Variants in EEFSEC observed in about 807,000 individuals in gnomAD.
EEFSEC encodes selenocysteine-specific elongation factor.
Under a neutral mutation model 42.1 loss-of-function variants are expected in EEFSEC, and 43 were observed. The ratio of observed to expected loss-of-function variants is 1.02; its 90% CI spans 0.80 to 1.32. EEFSEC has a LOEUF of 1.32. EEFSEC is among the 40% of genes most tolerant of loss of function. The pLI, the probability that EEFSEC is intolerant of heterozygous loss-of-function variation, is 0.00. For synonymous variants in EEFSEC, 354 were observed against 339.1 expected, an observed-to-expected ratio of 1.04 and a Z score of -0.48; for missense variants, 745 against 803.6, an observed-to-expected ratio of 0.93 and a Z score of 0.88.
At chr3:128,163,181 G>T (rs1405930108) in intron 1 of EEFSEC, among the ~76,000 whole-genome samples, 1 of 152,040 alleles carries the variant, frequency 6.6e-6, no homozygotes, top group East Asian at 1.9e-4. Flanking sequence ...GGTATCTATA[G>T]CTCTGGTACT....
At chr3:128,318,880 C>T (rs1362705464) in intron 4 of EEFSEC, among the ~76,000 whole-genome samples, 2 of 152,208 alleles carry the variant, frequency 1.3e-5, no homozygotes, top group Non-Finnish European at 2.9e-5. Flanking sequence ...TACAGCAGCT[C>T]CTTATCCTCA....
At chr3:128,390,946 C>A (rs2067905220) in intron 6 of EEFSEC, among the ~76,000 whole-genome samples, 1 of 152,252 alleles carries the variant, frequency 6.6e-6, no homozygotes, top group South Asian at 2.1e-4. Context: ...CAGATGTCAT[C>A]CCACCCTGGG....
intron 6 of EEFSEC, among the ~76,000 whole-genome samples, chr3:128,403,707 T>C (rs2068075305): frequency 4.7e-5 from 7 of 148,188 alleles, no homozygotes; most frequent in Admixed American, 4.0e-4. Flanking sequence ...CCCTAGGAAT[T>C]GTCACTCAAA....
At chr3:128,389,224 A>G (rs1200502927) in intron 6 of EEFSEC, among the ~76,000 whole-genome samples, 1 of 152,162 alleles carries the variant, frequency 6.6e-6, no homozygotes, top group African/African-American at 2.4e-5. Context: ...GGGTGCTGAC[A>G]CTCACCCGAG....
At chr3:128,272,843 C>T (rs190344637) in intron 4 of EEFSEC, among the ~76,000 whole-genome samples, 2 of 152,226 alleles carry the variant, frequency 1.3e-5, no homozygotes, top group East Asian at 1.9e-4. Flanking sequence ...TTGGGTTACT[C>T]CTAGGAAATG....
intron 4 of EEFSEC, among the ~76,000 whole-genome samples, chr3:128,303,333 C>T (rs1236164141): frequency 2.6e-5 from 4 of 152,148 alleles, no homozygotes; most frequent in Non-Finnish European, 5.9e-5. Context: ...AAGTTACATT[C>T]CTACAACAGT....
intron 4 of EEFSEC, among the ~76,000 whole-genome samples, chr3:128,287,310 G>C (rs903697466): frequency 1.3e-5 from 2 of 152,244 alleles, no homozygotes. Context: ...AGGCGGGCTT[G>C]TGCAGCCATG....
chr3:128,328,551 T>C (rs546820378), intron 4 of EEFSEC, among the ~76,000 whole-genome samples: 1 of 152,234 alleles, frequency 6.6e-6, no homozygotes, highest in African/African-American at 2.4e-5. Flanking sequence ...TGTAGTTTCT[T>C]GTCTGTAAGG....
At chr3:128,409,271 G>A (rs993099895), downstream of EEFSEC, among the ~76,000 whole-genome samples, 8 of 152,174 alleles carry the variant, frequency 5.3e-5, no homozygotes, top group African/African-American at 1.7e-4. Flanking sequence ...CCAGTAATCG[G>A]TGCATTATGC....
Position 128,359,208 on chromosome 3 carries a change from G to A in EEFSEC, c.1600+835G>A, listed in dbSNP as rs556894645. Among the ~76,000 whole-genome samples, 13 of 152,242 alleles carry A rather than the reference G, an allele frequency of 8.5e-5. No individual in the cohort carries two copies. The East Asian group carries it at 2.5e-3, about 29-fold the overall frequency. ...CAGGGAGAGCATGCCACAGCGAGGG[G>A]GAAGTGAATGTTAAGGTCCTGAGGT... On this transcript the variant is annotated intron_variant, in intron 6 of 6. Transcript: ENST00000254730.
intron 4 of EEFSEC, among the ~76,000 whole-genome samples, chr3:128,272,237 ACAT>A (rs774568611): frequency 6.6e-6 from 1 of 152,200 alleles, no homozygotes; most frequent in Non-Finnish European, 1.5e-5. Context: ...TGACTCCTGA[ACAT>A]CACGCTATCG....
At chr3:128,333,952 T>C (rs1044849020) in intron 4 of EEFSEC, among the ~76,000 whole-genome samples, 1 of 152,148 alleles carries the variant, frequency 6.6e-6, no homozygotes, top group Non-Finnish European at 1.5e-5. Flanking sequence ...TGTTCTCTCA[T>C]CCACTTGATC....
Position 128,363,122 on chromosome 3 carries a change from C to T in EEFSEC, c.1600+4749C>T, listed in dbSNP as rs559394270. Reference sequence around the variant, plus strand: ...GCTATGATGTATAGCAGTTGGGCTGCCCGCTGTACAGCTGAGGAGACTGGG... The same window carrying T: ...GCTATGATGTATAGCAGTTGGGCTGTCCGCTGTACAGCTGAGGAGACTGGG... On this transcript the variant is annotated intron_variant, in intron 6 of 6. Coordinates refer to ENST00000254730, the MANE Select transcript of EEFSEC (RefSeq NM_021937.5). Among the ~76,000 whole-genome samples, 7 of 152,312 alleles carry T rather than the reference C, an allele frequency of 4.6e-5. No individual in the cohort carries two copies. The South Asian group carries it at 1.5e-3, about 32-fold the overall frequency.
intron 1 of EEFSEC, among the ~76,000 whole-genome samples, chr3:128,154,573 C>T (rs1402577629): frequency 2.0e-5 from 3 of 152,078 alleles, no homozygotes; most frequent in Non-Finnish European, 4.4e-5. Context: ...CCTCAGTCTC[C>T]TGAGTAGCTG....
chr3:128,406,853 CATATATATACATATATATACAT>C (rs2068120337), intron 6 of EEFSEC, among the ~76,000 whole-genome samples: 1 of 150,842 alleles, frequency 6.6e-6, no homozygotes, highest in Non-Finnish European at 1.5e-5. Flanking sequence ...TATATATACA[CATATATATACATATATATACAT>C]ACATATATAT....
At chr3:128,333,931 G>A (rs1224846607) in intron 4 of EEFSEC, among the ~76,000 whole-genome samples, 6 of 152,202 alleles carry the variant, frequency 3.9e-5, no homozygotes, top group Non-Finnish European at 7.3e-5. Context: ...AGTCAGAAGG[G>A]GGTGTTCATT....
chr3:128,222,668 A>G (rs1330175579), intron 1 of EEFSEC, among the ~76,000 whole-genome samples: 5 of 152,270 alleles, frequency 3.3e-5, no homozygotes, highest in Non-Finnish European at 5.9e-5. Flanking sequence ...CACTTTAACC[A>G]CAACATGTTG....
chr3:128,347,727 C>T (rs1283824056), intron 5 of EEFSEC, among the ~76,000 whole-genome samples: 1 of 152,098 alleles, frequency 6.6e-6, no homozygotes, highest in Non-Finnish European at 1.5e-5. Context: ...TAAAGAAGGA[C>T]ATCATGTAAC....
chr3:128,280,152 G>C (rs1425204288), intron 4 of EEFSEC, among the ~76,000 whole-genome samples: 1 of 152,216 alleles, frequency 6.6e-6, no homozygotes, highest in Non-Finnish European at 1.5e-5. Flanking sequence ...TAGGAAAACT[G>C]TCTGCATATG....
Sources: allele counts gnomAD v4.1 joint callset (sites outside exome capture counted in the v4.1 genomes callset), GRCh38; gene constraint gnomAD v4.1.1; transcripts MANE v1.5; gene names NCBI Gene and HGNC (gene_info 2026-07-23, HGNC 2026-07-21).